DCDC1: variants seen among roughly 807,000 people sequenced by gnomAD.
The protein encoded by DCDC1 is doublecortin domain-containing protein 1.
Under a neutral mutation model 178.3 loss-of-function variants are expected in DCDC1, and 200 were observed. That is an observed-to-expected ratio of 1.12 (90% CI 1.00 to 1.26). The LOEUF is 1.26. Among genes scored for constraint, DCDC1 ranks in the 50% most tolerant of loss-of-function variants. DCDC1 has a pLI of 0.00. For missense variants in DCDC1, 1,983 were observed against 1,749.2 expected, an observed-to-expected ratio of 1.13 and a Z score of -2.38; for synonymous variants, 690 against 604.8, an observed-to-expected ratio of 1.14 and a Z score of -2.07.
intron 23 of DCDC1, among the ~76,000 whole-genome samples, chr11:30,923,283 T>C (rs1946372326): frequency 1.3e-5 from 2 of 152,180 alleles, no homozygotes; most frequent in Admixed American, 6.5e-5. Flanking sequence ...TACTATCTCA[T>C]TCTTTACAGA....
chr11:31,351,069 T>C (rs1407674311), intron 1 of DCDC1, among the ~76,000 whole-genome samples: 4 of 152,078 alleles, frequency 2.6e-5, no homozygotes, highest in African/African-American at 9.7e-5. Flanking sequence ...GATTGACTTA[T>C]GAATTTTAAA....
chr11:31,044,872 C>T (rs1954723437), intron 20 of DCDC1, among the ~76,000 whole-genome samples: 1 of 152,126 alleles, frequency 6.6e-6, no homozygotes, highest in Non-Finnish European at 1.5e-5. Flanking sequence ...TACCTTGTTA[C>T]CCAGCAATGA....
intron 25 of DCDC1, among the ~76,000 whole-genome samples, chr11:30,919,926 T>A (rs528174025): frequency 6.6e-6 from 1 of 152,052 alleles, no homozygotes; most frequent in South Asian, 2.1e-4. Flanking sequence ...CCCAGGCTGG[T>A]AGAGGGAGGG....
intron 1 of DCDC1, among the ~76,000 whole-genome samples, chr11:31,362,482 A>C (rs1293811992): frequency 2.0e-5 from 3 of 152,218 alleles, no homozygotes; most frequent in Admixed American, 2.0e-4. Flanking sequence ...ATTAATATTC[A>C]CCACCTCTCA....
chr11:30,906,893 A>T (rs528658066), intron 29 of DCDC1, among the ~76,000 whole-genome samples, 168 bp from the exon 30 acceptor site: 2 of 152,338 alleles, frequency 1.3e-5, no homozygotes, highest in South Asian at 2.1e-4. Flanking sequence ...ATGCTATATT[A>T]AAAAATTTAA....
chr11:31,021,302 A>T (rs1340328584), intron 20 of DCDC1, among the ~76,000 whole-genome samples: 1 of 152,234 alleles, frequency 6.6e-6, no homozygotes, highest in Non-Finnish European at 1.5e-5. Context: ...CATTGATTTA[A>T]AAAGCATAAG....
intron 3 of DCDC1, among the ~76,000 whole-genome samples, chr11:31,325,621 A>G (rs1179057197): frequency 6.6e-6 from 1 of 152,182 alleles, no homozygotes; most frequent in African/African-American, 2.4e-5. Context: ...TAATGTAAAT[A>G]TAATGAAAAG....
At chr11:31,211,353 T>C (rs1315052791) in intron 9 of DCDC1, among the ~76,000 whole-genome samples, 3 of 152,234 alleles carry the variant, frequency 2.0e-5, no homozygotes, top group African/African-American at 7.2e-5. Context: ...CAGAAACAAG[T>C]ATTTGTATAC....
At chr11:31,114,538 T>C (rs544807824) in intron 11 of DCDC1, among the ~76,000 whole-genome samples, 80 of 152,158 alleles carry the variant, frequency 5.3e-4, no homozygotes, top group African/African-American at 1.9e-3. Context: ...GGGAAAACAA[T>C]TGAGCAAAGA....
At chr11:31,081,684 A>G (rs1285302736) in intron 17 of DCDC1, among the ~76,000 whole-genome samples, 1 of 152,188 alleles carries the variant, frequency 6.6e-6, no homozygotes, top group Non-Finnish European at 1.5e-5. Flanking sequence ...GTCAAATTTT[A>G]TCAAGCTTCA....
intron 36 of DCDC1, among the ~76,000 whole-genome samples, chr11:30,886,188 G>A (rs190384478): frequency 1.8e-3 from 267 of 152,082 alleles, no homozygotes; most frequent in African/African-American, 6.3e-3. Flanking sequence ...TGTGGATGAT[G>A]TAATTTTCAT....
At chr11:31,286,865 G>A (rs547294916) in intron 7 of DCDC1, among the ~76,000 whole-genome samples, 8 of 152,032 alleles carry the variant, frequency 5.3e-5, no homozygotes, top group Admixed American at 1.3e-4. Context: ...ACCTCTTACT[G>A]AAAAGAGGAC....
At chr11:31,144,736 T>C (rs1964253446) in intron 9 of DCDC1, among the ~76,000 whole-genome samples, 1 of 152,172 alleles carries the variant, frequency 6.6e-6, no homozygotes, top group Non-Finnish European at 1.5e-5. Context: ...CTTTCTTTGC[T>C]CTTACTTTCC....
chr11:31,312,527 A>G (rs899086690), intron 3 of DCDC1, among the ~76,000 whole-genome samples: 2 of 152,206 alleles, frequency 1.3e-5, no homozygotes, highest in African/African-American at 4.8e-5. Flanking sequence ...GACCAAGTAA[A>G]GCAGATGGCC....
Position 31,236,290 on chromosome 11 carries a change from G to A in DCDC1, c.1221+5160C>T, listed in dbSNP as rs148091317. On this transcript the variant is annotated intron_variant, in intron 9 of 38. Coordinates refer to ENST00000684477, the MANE Select transcript of DCDC1 (RefSeq NM_001387274.1). ...TACTTTTGAGAAAATTGTCACAGTC[G>A]ATCTCCACATATCCTCTTTATCAAC... Among the ~76,000 whole-genome samples the A allele has an allele frequency of 2.2e-3, 329 of 151,974 alleles. 2 individuals are homozygous for A. Among genetic ancestry groups the A allele is most frequent in the African/African-American group, 7.3e-3 (301 of 41,494 alleles).
At chr11:31,297,698 T>C (rs1412001038) in intron 6 of DCDC1, among the ~76,000 whole-genome samples, 1 of 152,178 alleles carries the variant, frequency 6.6e-6, no homozygotes, top group Non-Finnish European at 1.5e-5. Context: ...TTTCATTAAC[T>C]TTCTCATCTC....
intron 9 of DCDC1, among the ~76,000 whole-genome samples, chr11:31,195,237 G>T (rs188843713): frequency 6.6e-6 from 1 of 152,204 alleles, no homozygotes; most frequent in Non-Finnish European, 1.5e-5. Context: ...GAGTGGATTG[G>T]AAGTTATGGA....
At chr11:31,031,242 C>A (rs1427572200) in intron 20 of DCDC1, among the ~76,000 whole-genome samples, 1 of 152,032 alleles carries the variant, frequency 6.6e-6, no homozygotes, top group East Asian at 1.9e-4. Context: ...GAAGAATTGG[C>A]AAATGCTAGA....
At chr11:31,304,901 A>G (rs1012207656) in intron 6 of DCDC1, among the ~76,000 whole-genome samples, 13 of 152,122 alleles carry the variant, frequency 8.5e-5, no homozygotes, top group African/African-American at 3.1e-4. Context: ...ACATGCTTGG[A>G]AGAATATTCT....
Sources: gnomAD v4.1 joint callset for allele counts (sites outside exome capture counted in the v4.1 genomes callset) on GRCh38, gnomAD v4.1.1 for gene constraint, MANE v1.5 for transcripts, NCBI Gene and HGNC (gene_info 2026-07-23, HGNC 2026-07-21) for gene names.